The following NAA15 variants were observed in gnomAD, a reference collection of about 807,000 sequenced individuals.
NAA15 encodes N-terminal acetyltransferase.
NAA15 carries 34 observed loss-of-function variants against 114.0 expected under a neutral mutation model. The observed-to-expected ratio is 0.30, with a 90% CI of 0.23 to 0.40. The LOEUF is 0.40. NAA15 is among the 10% of genes least tolerant of loss of function. The pLI, the probability that NAA15 is intolerant of heterozygous loss-of-function variation, is 1.00. For missense variants in NAA15, 658 were observed against 1,004.5 expected, an observed-to-expected ratio of 0.66 and a Z score of 4.66; for synonymous variants, 340 against 338.0, an observed-to-expected ratio of 1.01 and a Z score of -0.06.
chr4:139,350,612 CCTT>C (rs990494176), intron 7 of NAA15, among the ~76,000 whole-genome samples: 4 of 152,166 alleles, frequency 2.6e-5, no homozygotes, highest in South Asian at 2.1e-4. Flanking sequence ...ACAAGAGAAA[CCTT>C]CTTGCAGATT....
chr4:139,311,657 G>A (rs1746228274), intron 1 of NAA15, among the ~76,000 whole-genome samples: 1 of 151,916 alleles, frequency 6.6e-6, no homozygotes, highest in Admixed American at 6.6e-5. Context: ...GTTGTGAGGA[G>A]CCTGCTGCTG....
chr4:139,321,138 C>G, intron 1 of NAA15, among the ~76,000 whole-genome samples: 1 of 147,930 alleles, frequency 6.8e-6, no homozygotes. Flanking sequence ...TTGCCAAAGC[C>G]AAATATTTCT....
chr4:139,348,454 A>C (rs1309743857), intron 6 of NAA15, among the ~76,000 whole-genome samples: 6 of 83,302 alleles, frequency 7.2e-5, no homozygotes, highest in East Asian at 5.3e-4. Context: ...CTGTATCACA[A>C]AAAAAAAAAA....
intron 1 of NAA15, among the ~76,000 whole-genome samples, chr4:139,317,837 A>G (rs1232508343): frequency 6.6e-6 from 1 of 152,186 alleles, no homozygotes; most frequent in Non-Finnish European, 1.5e-5. Context: ...GGAAATAACT[A>G]TGAGGTTATA....
In NAA15 at chr4:139,344,265, A is replaced by G. The variant is rs746125653; in HGVS notation, c.617A>G (p.Tyr206Cys). The change falls in exon 6 of 20, where the codon TAT becomes TGT. Residue 206 changes from tyrosine (Y) to cysteine (C), a missense_variant. Tyr to Cys is a radical substitution (Grantham distance 194, BLOSUM62 -2). Around this residue, in one of 6 missense-constraint regions of NAA15, gnomAD observed 281 missense variants for 389.1 expected, o/e 0.72. Coordinates refer to ENST00000296543, the MANE Select transcript of NAA15 (RefSeq NM_057175.5). ...CAAGTTCTTCGGGAAGCAGGTCTCT[A>G]TAGAGAAGCTTTGGAACATCTTTGT... ...QNQVLREAGL[Y>C]REALEHLCTY... The G allele has an allele frequency of 5.6e-6, 9 of 1,613,244 alleles. No individual in the cohort carries two copies. Among genetic ancestry groups the G allele is most frequent in the Admixed American group, 1.7e-5 (1 of 60,010 alleles).
In NAA15 at chr4:139,366,901, G is replaced by A. The variant is rs570530674; in HGVS notation, c.1754-3310G>A. Among the ~76,000 whole-genome samples, 21 of 152,234 alleles carry A rather than the reference G, an allele frequency of 1.4e-4. No individual in the cohort carries two copies. The East Asian group carries it at 3.1e-3, about 22-fold the overall frequency. ...TGGGATTACAGGCATGAGCCACCAC[G>A]CCCAGCTTACATTATTCTTATATGC... On this transcript the variant is annotated intron_variant, in intron 14 of 19. Transcript: ENST00000296543.
intron 1 of NAA15, among the ~76,000 whole-genome samples, chr4:139,310,237 G>A (rs1468603011): frequency 2.0e-5 from 3 of 151,892 alleles, no homozygotes; most frequent in African/African-American, 2.4e-5. Context: ...GGCGGATCAC[G>A]AGGTCAGGAG....
chr4:139,380,201 G>A (rs1432330014), intron 17 of NAA15, among the ~76,000 whole-genome samples: 1 of 151,462 alleles, frequency 6.6e-6, no homozygotes, highest in Non-Finnish European at 1.5e-5. Context: ...TAACCATATT[G>A]TAGAAAGTAA....
intron 17 of NAA15, 80 bp downstream of exon 17, chr4:139,378,934 C>A: frequency 3.5e-6 from 3 of 860,908 alleles, no homozygotes; most frequent in South Asian, 1.7e-5. Context: ...ACAAGTTTAT[C>A]ATAAACCAAA....
At chr4:139,353,535 G>C (rs1326203537) in intron 9 of NAA15, among the ~76,000 whole-genome samples, 1 of 152,102 alleles carries the variant, frequency 6.6e-6, no homozygotes, top group East Asian at 1.9e-4. Flanking sequence ...ACCAGAACCT[G>C]GATGGCCACT....
intron 3 of NAA15, among the ~76,000 whole-genome samples, chr4:139,340,328 G>C (rs1399960944): frequency 6.6e-6 from 1 of 152,054 alleles, no homozygotes; most frequent in Non-Finnish European, 1.5e-5. Flanking sequence ...CTCAAAAAAA[G>C]GGAAAGAAGT....
chr4:139,371,169 A>G (rs897388147), intron 15 of NAA15, among the ~76,000 whole-genome samples: 2 of 152,200 alleles, frequency 1.3e-5, no homozygotes, highest in Non-Finnish European at 2.9e-5. Flanking sequence ...CTAGTAAGGA[A>G]AGGCTCAAAA....
intron 1 of NAA15, among the ~76,000 whole-genome samples, chr4:139,315,004 A>AT (rs1746343974): frequency 1.2e-5 from 1 of 84,348 alleles, no homozygotes; most frequent in African/African-American, 5.5e-5. Context: ...AGTTCAGTTT[A>AT]GTTTAGGTTA....
intron 5 of NAA15, 49 bp from the exon 6 acceptor site, chr4:139,344,137 A>C: frequency 6.9e-7 from 1 of 1,453,122 alleles, no homozygotes; most frequent in Non-Finnish European, 9.3e-7. Context: ...CAATTTTCTG[A>C]TATGAAAATA....
intron 11 of NAA15, among the ~76,000 whole-genome samples, chr4:139,359,374 G>A (rs563524653): frequency 4.6e-5 from 7 of 152,114 alleles, no homozygotes; most frequent in South Asian, 2.1e-4. Flanking sequence ...TGATCCACCC[G>A]GCTCGGCCTC....
At chr4:139,301,862 G>C in intron 1 of NAA15, 31 bp downstream of exon 1, 1 of 1,573,768 alleles carries the variant, frequency 6.4e-7, no homozygotes, top group Non-Finnish European at 8.6e-7. Flanking sequence ...AAGCGGTGGG[G>C]AGGATTTAGC....
intron 1 of NAA15, among the ~76,000 whole-genome samples, chr4:139,319,813 CA>C (rs1388372685): frequency 6.6e-6 from 1 of 152,214 alleles, no homozygotes; most frequent in African/African-American, 2.4e-5. Flanking sequence ...GGTGCTGATG[CA>C]CTGTGCCTGG....
chr4:139,345,899 C>T (rs1747565184), intron 6 of NAA15, among the ~76,000 whole-genome samples: 1 of 151,290 alleles, frequency 6.6e-6, no homozygotes, highest in Admixed American at 6.6e-5. Flanking sequence ...CCAGGCTGGG[C>T]AACAGAGCAA....
At chr4:139,321,851 GT>G (rs1746629545) in intron 1 of NAA15, among the ~76,000 whole-genome samples, 2 of 151,906 alleles carry the variant, frequency 1.3e-5, no homozygotes, top group Non-Finnish European at 2.9e-5. Context: ...ATAGTAACTT[GT>G]TTTGAAGTCT....
Sources: gnomAD v4.1 joint callset for allele counts (sites outside exome capture counted in the v4.1 genomes callset) on GRCh38, gnomAD v4.1.1 for gene constraint, gnomAD v4.1.1 regional missense constraint, MANE v1.5 for transcripts, NCBI Gene and HGNC (gene_info 2026-07-23, HGNC 2026-07-21) for gene names.